The following SLC20A2 variants were observed in gnomAD, a reference collection of about 807,000 sequenced individuals.
SLC20A2 encodes the protein solute carrier family 20 member 2, also known as sodium-dependent phosphate transporter 2.
SLC20A2 carries 30 observed loss-of-function variants against 61.0 expected under a neutral mutation model. That is an observed-to-expected ratio of 0.49 (90% CI 0.37 to 0.67). The LOEUF is 0.67. SLC20A2 is among the 30% of genes least tolerant of loss of function. The pLI is 0.00. For synonymous variants in SLC20A2, 351 were observed against 353.3 expected, an observed-to-expected ratio of 0.99 and a Z score of 0.07; for missense variants, 626 against 866.4, an observed-to-expected ratio of 0.72 and a Z score of 3.48.
At chr8:42,511,034 C>T (rs1811003495) in intron 1 of SLC20A2, among the ~76,000 whole-genome samples, 1 of 152,066 alleles carries the variant, frequency 6.6e-6, no homozygotes, top group African/African-American at 2.4e-5. Flanking sequence ...CCCTTGCTAC[C>T]TATTTCAGGT....
intron 10 of SLC20A2, among the ~76,000 whole-genome samples, chr8:42,420,460 A>C (rs1359735028): frequency 6.6e-6 from 1 of 152,092 alleles, no homozygotes; most frequent in Non-Finnish European, 1.5e-5. Flanking sequence ...ATAAAATTCC[A>C]TTTTACTCTA....
At chr8:42,421,788 C>T (rs1016360145) in intron 10 of SLC20A2, among the ~76,000 whole-genome samples, 2 of 151,618 alleles carry the variant, frequency 1.3e-5, no homozygotes, top group Non-Finnish European at 1.5e-5. Flanking sequence ...GCCTGGGTAA[C>T]GAGTGAAACT....
In SLC20A2 at chr8:42,478,624, C is replaced by G. The variant is rs139939927; in HGVS notation, c.-264-5970G>C. Among the ~76,000 whole-genome samples, 187 of 152,274 alleles carry G rather than the reference C, an allele frequency of 1.2e-3. No individual in the cohort carries two copies. The Middle Eastern group carries it at 0.024, about 19-fold the overall frequency. On this transcript the variant is annotated intron_variant, in intron 1 of 10. Coordinates refer to ENST00000520262, the MANE Select transcript of SLC20A2 (RefSeq NM_001257180.2). ...ACTACCCATGTCTATACAGGGAGAG[C>G]TCTGCTGTGCACCTTGAGTATGGTG...
chr8:42,477,087 G>T (rs1423821842), intron 1 of SLC20A2, among the ~76,000 whole-genome samples: 1 of 152,192 alleles, frequency 6.6e-6, no homozygotes, highest in African/African-American at 2.4e-5. Context: ...ATAAGGCCCC[G>T]TCGCAGTTCT....
intron 8 of SLC20A2, among the ~76,000 whole-genome samples, chr8:42,436,289 G>A (rs953608714): frequency 6.6e-6 from 1 of 151,960 alleles, no homozygotes; most frequent in Non-Finnish European, 1.5e-5. Context: ...TCCTGAACTC[G>A]GGCGTACACG....
At chr8:42,467,475 T>G (rs557839272) in intron 2 of SLC20A2, among the ~76,000 whole-genome samples, 78 of 152,336 alleles carry the variant, frequency 5.1e-4, no homozygotes, top group Non-Finnish European at 9.7e-4. Flanking sequence ...GCTGATAAGC[T>G]GGGCACGTTA....
At chr8:42,444,523 G>A (rs1409970546) in intron 6 of SLC20A2, 123 bp downstream of exon 6, 2 of 720,168 alleles carry the variant, frequency 2.8e-6, no homozygotes, top group Non-Finnish European at 4.9e-6. Context: ...ACAGAGGATG[G>A]GGTATGTTCT....
At chr8:42,532,885 G>C (rs1413271246) in intron 1 of SLC20A2, among the ~76,000 whole-genome samples, 1 of 152,144 alleles carries the variant, frequency 6.6e-6, no homozygotes, top group Non-Finnish European at 1.5e-5. Context: ...AGACGAGGTG[G>C]CCCAGAGGAA....
At chr8:42,462,468 G>C (rs1344294982) in intron 4 of SLC20A2, among the ~76,000 whole-genome samples, 2 of 152,084 alleles carry the variant, frequency 1.3e-5, no homozygotes, top group African/African-American at 4.8e-5. Flanking sequence ...GCCACGTTTT[G>C]TGTCTAGAAC....
At chr8:42,430,588 C>A (rs898034967) in intron 8 of SLC20A2, among the ~76,000 whole-genome samples, 9 of 152,116 alleles carry the variant, frequency 5.9e-5, no homozygotes, top group Non-Finnish European at 1.3e-4. Flanking sequence ...GTCTCGAACC[C>A]CTGACCTTGT....
chr8:42,456,719 G>A (rs1452922288), intron 5 of SLC20A2, among the ~76,000 whole-genome samples: 17 of 140,304 alleles, frequency 1.2e-4, no homozygotes, highest in Middle Eastern at 4.1e-3. Flanking sequence ...GAGACAGTAC[G>A]AGACTCTGTC....
intron 1 of SLC20A2, among the ~76,000 whole-genome samples, chr8:42,478,885 A>G (rs1478547904): frequency 1.3e-5 from 2 of 152,172 alleles, no homozygotes; most frequent in Admixed American, 1.3e-4. Flanking sequence ...AAAAAAAGAA[A>G]AAAAAAAAAC....
intron 1 of SLC20A2, among the ~76,000 whole-genome samples, chr8:42,526,940 C>CA (rs921308701): frequency 5.9e-5 from 9 of 151,328 alleles, no homozygotes; most frequent in Admixed American, 2.0e-4. Flanking sequence ...CCCGCCTTTA[C>CA]AAAAAAATAG....
chr8:42,428,177 G>A (rs1803556027), intron 10 of SLC20A2, among the ~76,000 whole-genome samples: 1 of 152,192 alleles, frequency 6.6e-6, no homozygotes, highest in Admixed American at 6.5e-5. Flanking sequence ...CCTCCCTGCA[G>A]CTCCAACTTT....
chr8:42,437,300 A>C lies in SLC20A2; in HGVS notation c.1212T>G (p.Ala404=). 2 of 1,614,174 alleles carry C rather than the reference A, an allele frequency of 1.2e-6. No individual in the cohort carries two copies. Among genetic ancestry groups the C allele is most frequent in the South Asian group, 2.2e-5 (2 of 91,090 alleles). ...CGLPVHATFR[A]ADSSAPEDSE... is the part of the protein sequence containing the mutation. ...TGTCCTCTGGGGCCGATGAGTCCGC[A>C]GCTCGAAAGGTGGCGTGCACTGGCA... The change falls in exon 8 of 11, where the codon GCT becomes GCG. Residue 404 remains alanine (A), a synonymous_variant. Coordinates refer to ENST00000520262, the MANE Select transcript of SLC20A2 (RefSeq NM_001257180.2). This position sits in a 1 kb window ranked among gnomAD's most constrained non-coding sequence, Gnocchi z 6.4.
intron 1 of SLC20A2, among the ~76,000 whole-genome samples, chr8:42,517,124 A>G (rs753040088): frequency 6.6e-6 from 1 of 152,170 alleles, no homozygotes; most frequent in Non-Finnish European, 1.5e-5. Flanking sequence ...AGTATTAGTC[A>G]TCTCTCCTAA....
chr8:42,455,173 T>C (rs1390703515), intron 5 of SLC20A2, among the ~76,000 whole-genome samples: 7 of 132,012 alleles, frequency 5.3e-5, no homozygotes, highest in African/African-American at 2.0e-4. Flanking sequence ...TGCAGTGAGC[T>C]GAGATCACAC....
intron 1 of SLC20A2, among the ~76,000 whole-genome samples, chr8:42,532,191 T>G (rs1200359384): frequency 2.0e-5 from 3 of 152,182 alleles, no homozygotes; most frequent in Non-Finnish European, 2.9e-5. Context: ...AAACTACAAA[T>G]GACCCAATAC....
chr8:42,462,198 A>G (rs2131170639), intron 4 of SLC20A2, among the ~76,000 whole-genome samples: 1 of 152,116 alleles, frequency 6.6e-6, no homozygotes, highest in African/African-American at 2.4e-5. Context: ...CAGGCTAGAG[A>G]GGGGTGTGCC....
Sources: allele counts gnomAD v4.1 joint callset (sites outside exome capture counted in the v4.1 genomes callset), GRCh38; gene constraint gnomAD v4.1.1; non-coding constraint Gnocchi (gnomAD v3.1); transcripts MANE v1.5; gene names NCBI Gene and HGNC (gene_info 2026-07-23, HGNC 2026-07-21).